The following RICTOR variants were observed in gnomAD, a reference collection of about 807,000 sequenced individuals.
RICTOR encodes RPTOR independent companion of MTOR complex 2.
In RICTOR, 49 loss-of-function variants were observed where a neutral mutation model predicts 214.9. That is an observed-to-expected ratio of 0.23 (90% CI 0.18 to 0.29). The LOEUF (loss-of-function observed/expected upper bound fraction) is 0.29, where lower values mean the gene tolerates loss of function less well. RICTOR is among the 10% of genes least tolerant of loss of function. RICTOR has a pLI of 1.00. For synonymous variants in RICTOR, 717 were observed against 711.3 expected (o/e 1.01, Z -0.13); for missense variants, 1,625 against 2,047.0 (o/e 0.79, Z 3.98).
chr5:38,948,062 A>G (rs1748392255), intron 31 of RICTOR, among the ~76,000 whole-genome samples: 1 of 152,108 alleles, frequency 6.6e-6, no homozygotes, highest in Non-Finnish European at 1.5e-5. Context: ...GAGATTCCAT[A>G]ACAAATATGA....
chr5:38,990,850 T>TATGA (rs10626191), intron 7 of RICTOR, 99 bp downstream of exon 7: 12 of 475,134 alleles, frequency 2.5e-5, no homozygotes, highest in African/African-American at 2.3e-4. Flanking sequence ...ATGAGATATA[T>TATGA]GATATATATA....
chr5:38,969,569 C>T (rs1750569002), intron 11 of RICTOR: 1 of 151,802 alleles, frequency 6.6e-6, no homozygotes, highest in Non-Finnish European at 1.5e-5. Flanking sequence ...TAGGTCTTAA[C>T]ATTCACTCAC....
At chr5:38,953,637 C>T (rs902147462) in intron 27 of RICTOR, 84 bp from the exon 28 acceptor site, 24 of 442,382 alleles carry the variant, frequency 5.4e-5, no homozygotes, top group South Asian at 1.6e-4. Flanking sequence ...ACCAGTATAA[C>T]GTTTGTTTTT....
At chr5:39,053,400 A>C (rs1053002710) in intron 2 of RICTOR, among the ~76,000 whole-genome samples, 2 of 152,108 alleles carry the variant, frequency 1.3e-5, no homozygotes, top group Non-Finnish European at 2.9e-5. Context: ...CACTCAGAGG[A>C]AAAGAGTCTA....
At chr5:38,975,740 A>ACACCAC in intron 9 of RICTOR, 136 bp from the exon 10 acceptor site, 1 of 495,398 alleles carries the variant, frequency 2.0e-6, no homozygotes, top group Non-Finnish European at 3.4e-6. Flanking sequence ...CAAGACAAAG[A>ACACCAC]TCAGATCTAC....
intron 7 of RICTOR, 144 bp downstream of exon 7, chr5:38,990,805 T>TG: frequency 7.9e-6 from 1 of 126,600 alleles, no homozygotes; most frequent in Non-Finnish European, 1.3e-5. Context: ...ATATGATATA[T>TG]ATGAGATATA....
In RICTOR at chr5:38,964,905, A is replaced by T; in HGVS notation, c.1300-13T>A. The T allele has an allele frequency of 6.6e-7, 1 of 1,510,526 alleles. No individual in the cohort carries two copies. 93.6% of individuals were successfully genotyped at this position (1,510,526 alleles called of 1,614,324 possible). ...GAATTGTGTTTGCCTAAAATGAAGC[A>T]TAACATTTTACATGAGTTTTCAGAA... On this transcript the variant is annotated splice_polypyrimidine_tract_variant and intron_variant, in intron 15 of 37. Transcript: ENST00000357387.
At chr5:39,065,648 G>A (rs563885292) in intron 2 of RICTOR, among the ~76,000 whole-genome samples, 2 of 152,316 alleles carry the variant, frequency 1.3e-5, no homozygotes, top group South Asian at 4.1e-4. Context: ...GATACAATGA[G>A]GATATAGGCA....
At position 38,941,221 on chromosome 5, in the gene RICTOR, G is replaced by C. The variant is rs140589719; in HGVS notation, c.*1083C>G. 1.3e-5 allele frequency: 3 copies of C among 232,782 alleles called. No homozygotes were observed. The East Asian group carries it at 1.8e-4, about 14-fold the overall frequency. The allele number at this position is 232,782 out of a possible 1,614,324, so 14.4% of individuals were successfully genotyped here. ...ACCCACCTACCACTGCATTTAGTTT[G>C]TGCAAAACAAAAACACTGATATAAA... is the stretch of plus-strand genomic sequence containing the variant. On this transcript the variant is annotated 3_prime_UTR_variant, in exon 38 of 38. Transcript: ENST00000357387.
At position 38,952,386 on chromosome 5, in the gene RICTOR, T is replaced by C; in HGVS notation, c.2937A>G (p.Lys979=). The change falls in exon 30 of 38, where the codon AAA becomes AAG. Residue 979 remains lysine, a synonymous_variant. Transcript: ENST00000357387. ...VYVLGLIAKT[K]QGCDILKCHN... is the part of the protein sequence containing the mutation. ...GACATTTTAGAATATCACAGCCTTG[T>C]TTGGTTTTAGCTATGAGCCCAAGTA... 6.2e-7 allele frequency: 1 copy of C among 1,612,742 alleles called. No homozygotes were observed. The highest frequency in any genetic ancestry group is 8.5e-7 in the Non-Finnish European group (1 of 1,179,090).
chr5:39,048,600 C>G (rs1757648230), intron 2 of RICTOR, among the ~76,000 whole-genome samples: 1 of 152,172 alleles, frequency 6.6e-6, no homozygotes, highest in African/African-American at 2.4e-5. Flanking sequence ...CTGTGTGACT[C>G]TGCTGGGAAG....
chr5:39,022,187 T>C (rs748142972), intron 2 of RICTOR, among the ~76,000 whole-genome samples: 49 of 152,178 alleles, frequency 3.2e-4, no homozygotes, highest in Non-Finnish European at 1.6e-4. Context: ...AACTAAGATG[T>C]TTGGTAGATT....
chr5:39,074,383 C>G lies in RICTOR; in HGVS notation c.-6G>C, dbSNP rs371875489. ...CCGCGGCCGATCGCCGCCATATTGA[C>G]GGGTTTCAGTCACAACACCGGAAAC... On this transcript the variant is annotated 5_prime_UTR_variant, in exon 1 of 38. Transcript: ENST00000357387. 6.5e-7 allele frequency: 1 copy of G among 1,539,130 alleles called. No homozygotes were observed. Among genetic ancestry groups the G allele is most frequent in the East Asian group, 2.5e-5 (1 of 39,498 alleles).
At chr5:38,963,351 G>A (rs1289256409) in intron 16 of RICTOR, among the ~76,000 whole-genome samples, 5 of 151,758 alleles carry the variant, frequency 3.3e-5, no homozygotes, top group African/African-American at 4.8e-5. Flanking sequence ...TTTTCTTATC[G>A]AAATTTTAAA....
chr5:38,967,462 G>C (rs756869282), intron 12 of RICTOR, 35 bp from the exon 13 acceptor site: 1 of 1,423,160 alleles, frequency 7.0e-7, no homozygotes, highest in Non-Finnish European at 9.8e-7. Context: ...GAAAAGATTA[G>C]ATATCACTGA....
At chr5:39,037,491 G>T (rs573207937) in intron 2 of RICTOR, among the ~76,000 whole-genome samples, 12 of 150,756 alleles carry the variant, frequency 8.0e-5, no homozygotes, top group Admixed American at 2.0e-4. Context: ...AGGAAATAGA[G>T]ACACAAAAAA....
chr5:38,966,221 T>C (rs918545710), intron 15 of RICTOR, among the ~76,000 whole-genome samples: 1 of 152,240 alleles, frequency 6.6e-6, no homozygotes, highest in Non-Finnish European at 1.5e-5. Context: ...TGCACAAAGC[T>C]TTCTAAAATT....
chr5:39,037,863 G>A (rs182897622), intron 2 of RICTOR, among the ~76,000 whole-genome samples: 1 of 152,262 alleles, frequency 6.6e-6, no homozygotes, highest in African/African-American at 2.4e-5. Flanking sequence ...GGACCAGATG[G>A]ATTCACAGCC....
At chr5:39,003,525 A>C (rs773801425) in intron 4 of RICTOR, 33 bp downstream of exon 4, 1 of 1,373,420 alleles carries the variant, frequency 7.3e-7, no homozygotes, top group East Asian at 2.3e-5. Flanking sequence ...TAAAATCTGA[A>C]AGGGATGGGA....
Sources: gnomAD v4.1 joint callset for allele counts (sites outside exome capture counted in the v4.1 genomes callset) on GRCh38, gnomAD v4.1.1 for gene constraint, MANE v1.5 for transcripts, NCBI Gene and HGNC (gene_info 2026-07-23, HGNC 2026-07-21) for gene names.